Variants in VWCE observed in about 807,000 individuals in gnomAD.
VWCE encodes von Willebrand factor C and EGF domain-containing protein.
VWCE carries 68 observed loss-of-function variants against 102.9 expected under a neutral mutation model. The ratio of observed to expected loss-of-function variants is 0.66; its 90% CI spans 0.54 to 0.81. The LOEUF is 0.81. Ranked by LOEUF, VWCE falls within the 30% of genes least tolerant of loss-of-function variation. The pLI is 0.00. For missense variants in VWCE, 1,137 were observed against 1,263.6 expected, an observed-to-expected ratio of 0.90 and a Z score of 1.52; for synonymous variants, 497 against 515.4, an observed-to-expected ratio of 0.96 and a Z score of 0.48.
At chr11:61,291,690 C>G in intron 1 of VWCE, 114 bp from the exon 2 acceptor site, 1 of 889,806 alleles carries the variant, frequency 1.1e-6, no homozygotes, top group Non-Finnish European at 1.6e-6. Flanking sequence ...CAAGAACTGT[C>G]TGGAGGGGCA....
chr11:61,271,508 A>T, intron 14 of VWCE, 167 bp downstream of exon 14: 1 of 608,886 alleles, frequency 1.6e-6, no homozygotes, highest in Non-Finnish European at 3.0e-6. Context: ...TACTGAGAGC[A>T]GGATAAACTC....
intron 1 of VWCE, among the ~76,000 whole-genome samples, chr11:61,291,957 C>CACGCCTGTAT (rs1168789440): frequency 6.6e-6 from 1 of 152,216 alleles, no homozygotes; most frequent in African/African-American, 2.4e-5. Context: ...TGTGGTGGCT[C>CACGCCTGTAT]ACGCCTGTAA....
chr11:61,267,435 C>T (rs373381291), intron 16 of VWCE, 27 bp downstream of exon 16: 23 of 1,610,178 alleles, frequency 1.4e-5, no homozygotes, highest in African/African-American at 8.0e-5. Flanking sequence ...TTTCCAGGGG[C>T]GGGAGTCAGA....
Position 61,265,010 on chromosome 11 carries a change from C to G in VWCE, c.2085G>C (p.Ala695=). 6.2e-7 allele frequency: 1 copy of G among 1,614,188 alleles called. No homozygotes were observed. The highest frequency in any genetic ancestry group is 1.3e-5 in the African/African-American group (1 of 75,060). ...CATCCAAGGTGAACACCTGGCCATTCGCCACCTTCCTTCCCTCGTAGTTGC... is the reference window on the plus strand; with the variant it reads ...CATCCAAGGTGAACACCTGGCCATTGGCCACCTTCCTTCCCTCGTAGTTGC... ...RDCNYEGRKV[A]NGQVFTLDDE... is the part of the protein sequence containing the mutation. Residue 695 remains alanine (A), a synonymous_variant, in exon 18 of 20, where the codon GCG becomes GCC. Transcript: ENST00000335613.
chr11:61,262,115 G>A (rs374696003), intron 19 of VWCE, among the ~76,000 whole-genome samples: 2 of 152,060 alleles, frequency 1.3e-5, no homozygotes, highest in African/African-American at 2.4e-5. Flanking sequence ...CAACATGCCC[G>A]GCTAATTTTT....
chr11:61,294,929 T>C lies in VWCE; in HGVS notation c.109A>G (p.Arg37Gly). 2 of 1,423,220 alleles carry C rather than the reference T, an allele frequency of 1.4e-6. No homozygotes were observed. Among genetic ancestry groups the C allele is most frequent in the Non-Finnish European group, 1.8e-6 (2 of 1,084,728 alleles). 88.2% of individuals were successfully genotyped at this position (1,423,220 alleles called of 1,614,324 possible). A position where few individuals can be genotyped will look rare whatever the true frequency, so the allele number is the denominator to read the frequency against. Residue 37 changes from arginine to glycine, a missense_variant and splice_region_variant, in exon 1 of 20, where the codon AGA (arginine) becomes GGA (glycine). Transcript: ENST00000335613. The surrounding 1 kb of genome is among the most constrained non-coding windows in gnomAD (Gnocchi z 6.3). ...CGGGGAGGAGCTCCGGGCGCTTACC[T>C]CTCGGCCGCGAAGTGCCCGGGCGGC... The part of the protein sequence containing the change: ...RKPPGHFAAE[R>G]RRLGPHVCLS...
intron 4 of VWCE, 46 bp from the exon 5 acceptor site, chr11:61,286,476 G>A: frequency 6.4e-7 from 1 of 1,560,778 alleles, no homozygotes; most frequent in Non-Finnish European, 8.8e-7. Context: ...CCTCGCAAGA[G>A]GAACTTACAC....
In VWCE at chr11:61,280,696, TTTC is replaced by T. The variant is rs1855094049; in HGVS notation, c.1249_1251del (p.Glu417del). 6.2e-7 allele frequency: 1 copy of T among 1,613,780 alleles called. No individual in the cohort carries two copies. Among genetic ancestry groups the T allele is most frequent in the Non-Finnish European group, 8.5e-7 (1 of 1,179,974 alleles). On this transcript the variant is annotated inframe_deletion, in exon 9 of 20. Coordinates refer to ENST00000335613, the MANE Select transcript of VWCE (RefSeq NM_152718.2). ...GAACAAGCAGCTTCACACCTCACCT[TTTC>T]ACAGGTCACCTTCCCGTCCTAGAAG...
chr11:61,291,293 TG>T lies in VWCE; in HGVS notation c.265del (p.Gln89ArgfsTer43). The T allele has an allele frequency of 2.5e-6, 4 of 1,604,182 alleles. No homozygotes were observed. The highest frequency in any genetic ancestry group is 3.4e-6 in the Non-Finnish European group (4 of 1,174,406). ...GCAGGTGGCCCCTTGCTCTCCATCC[TG>T]GCAGGAGCAGACATTGGGAGCGATG... ...ICIAPNVCSC[Q>X]DGEQGATCPE... On this transcript the variant is annotated frameshift_variant, in exon 3 of 20. Coordinates refer to ENST00000335613, the MANE Select transcript of VWCE (RefSeq NM_152718.2). LOFTEE classifies it high-confidence loss of function.
chr11:61,275,516 G>GA (rs370628173), intron 11 of VWCE, among the ~76,000 whole-genome samples: 2 of 151,838 alleles, frequency 1.3e-5, no homozygotes, highest in East Asian at 1.9e-4. Flanking sequence ...TAAACATTAA[G>GA]AAAAAAAACA....
chr11:61,274,446 C>G (rs1345692939), intron 12 of VWCE, 53 bp downstream of exon 12: 8 of 1,557,838 alleles, frequency 5.1e-6, no homozygotes, highest in Non-Finnish European at 7.1e-6. Flanking sequence ...AGTGTTGTGC[C>G]TCGCTCCCCT....
rs1301560973 is a variant in VWCE, at chr11:61,261,444, A to T, written c.2231-2132T>A. ...TCTTTAGAAAGCTGTTATACTTTTA[A>T]AAAAATCATCAAAAGAGGCTGGGCT... On this transcript the variant is annotated intron_variant, in intron 19 of 19. Transcript: ENST00000335613. 5.1e-5 allele frequency among the ~76,000 whole-genome samples: 6 copies of T among 117,370 alleles called. No homozygotes were observed. In the East Asian group the frequency reaches 8.3e-4, roughly 16 times the overall value. The allele number at this position is 117,370 out of a possible 152,430, so 77.0% of individuals were successfully genotyped here. A position where few individuals can be genotyped will look rare whatever the true frequency, so the allele number is the denominator to read the frequency against.
chr11:61,294,115 C>A lies in VWCE; in HGVS notation c.110+813G>T, dbSNP rs550925859. Among the ~76,000 whole-genome samples, 1 of 152,272 alleles carries A rather than the reference C, an allele frequency of 6.6e-6. No homozygotes were observed. Among genetic ancestry groups the A allele is most frequent in the Non-Finnish European group, 1.5e-5 (1 of 67,992 alleles). ...CAGGGACCGAGCACCCGCCAGAGCG[C>A]CCTAAGGAGCCTCCTAGGGCTGGTG... On this transcript the variant is annotated intron_variant, in intron 1 of 19. Transcript: ENST00000335613. The surrounding 1 kb of genome is among the most constrained non-coding windows in gnomAD (Gnocchi z 6.3).
intron 2 of VWCE, 22 bp from the exon 3 acceptor site, chr11:61,291,375 A>G (rs1372618211): frequency 1.9e-6 from 3 of 1,607,064 alleles, no homozygotes; most frequent in Admixed American, 1.7e-5. Flanking sequence ...AGTGCAGGTG[A>G]GACACGAGGA....
intron 1 of VWCE, 29 bp from the exon 2 acceptor site, chr11:61,291,605 A>G: frequency 7.1e-7 from 1 of 1,416,212 alleles, no homozygotes; most frequent in Non-Finnish European, 9.3e-7. Flanking sequence ...CACTTTCCTC[A>G]TTCTATACTG....
At chr11:61,282,164 T>G (rs1346644616) in intron 6 of VWCE, among the ~76,000 whole-genome samples, 3 of 152,226 alleles carry the variant, frequency 2.0e-5, no homozygotes, top group Admixed American at 1.3e-4. Flanking sequence ...CCCAGCACTA[T>G]GCAGCGGTAA....
chr11:61,293,247 A>C (rs1183920173), intron 1 of VWCE, among the ~76,000 whole-genome samples: 1 of 145,890 alleles, frequency 6.9e-6, no homozygotes, highest in Non-Finnish European at 1.5e-5. Context: ...ATCTCAAAAA[A>C]AAAAAAAAAA....
At chr11:61,271,424 C>A (rs1344214775) in intron 14 of VWCE, 2 of 381,226 alleles carry the variant, frequency 5.2e-6, no homozygotes, top group Non-Finnish European at 1.0e-5. Context: ...GGATTACAGG[C>A]GTGAGCCACC....
In VWCE at chr11:61,267,526, C is replaced by T. The variant is rs774881082; in HGVS notation, c.1901G>A (p.Arg634Lys). Residue 634 changes from arginine (R) to lysine (K), a missense_variant, in exon 16 of 20, where the codon AGA becomes AAA. By Grantham distance (26) the Arg-to-Lys change is conservative. This residue lies in a region of VWCE where 212 missense variants were observed against 235.1 expected (regional missense o/e 0.90). Transcript: ENST00000335613. ...DCSAGCTYTG[R>K]IFYNNETFPS... ...GAAGGTCTCGTTGTTATAGAAGATTCTGCCTGTGTAGGTGCAGCCTGCCAG... is the reference window on the plus strand; with the variant it reads ...GAAGGTCTCGTTGTTATAGAAGATTTTGCCTGTGTAGGTGCAGCCTGCCAG... 1 of 1,614,140 alleles carries T rather than the reference C, an allele frequency of 6.2e-7. No homozygotes were observed. Among genetic ancestry groups the T allele is most frequent in the Non-Finnish European group, 8.5e-7 (1 of 1,180,028 alleles).
Sources: allele counts gnomAD v4.1 joint callset (sites outside exome capture counted in the v4.1 genomes callset), GRCh38; gene constraint gnomAD v4.1.1; regional missense constraint gnomAD v4.1.1; non-coding constraint Gnocchi (gnomAD v3.1); transcripts MANE v1.5; gene names NCBI Gene and HGNC (gene_info 2026-07-23, HGNC 2026-07-21).